SYTL5: variants seen among roughly 807,000 people sequenced by gnomAD.
SYTL5 encodes synaptotagmin like 5, also known as synaptotagmin-like protein 5.
SYTL5 carries 34 observed loss-of-function variants against 55.9 expected under a neutral mutation model. That is an observed-to-expected ratio of 0.61 (90% CI 0.46 to 0.81). SYTL5 has a LOEUF of 0.81. Among genes scored for constraint, SYTL5 ranks in the 30% least tolerant of loss-of-function variants. SYTL5 has a pLI of 0.00. For synonymous variants in SYTL5, 221 were observed against 188.7 expected (o/e 1.17, Z -1.40); for missense variants, 637 against 546.7 (o/e 1.17, Z -1.65).
chrX:38,086,910 T>G (rs1936672204), intron 6 of SYTL5, among the ~76,000 whole-genome samples: 1 of 111,999 alleles, frequency 8.9e-6, no homozygotes. Flanking sequence ...GAGATAATGC[T>G]GCTGGCAATG....
chrX:37,953,697 A>G, the SYTL5 span, among the ~76,000 whole-genome samples: 6 of 111,497 alleles, frequency 5.4e-5, no homozygotes, highest in Non-Finnish European at 1.1e-4. Flanking sequence ...TTGGTCAGGT[A>G]TAAGTCACAT....
the SYTL5 span, among the ~76,000 whole-genome samples, chrX:37,951,472 G>T: frequency 9.0e-6 from 1 of 111,115 alleles, no homozygotes; most frequent in African/African-American, 3.3e-5. Flanking sequence ...TTCTGCCCTA[G>T]GGTGGCGGAT....
intron 11 of SYTL5, among the ~76,000 whole-genome samples, chrX:38,107,361 T>C (rs770206100): frequency 1.2e-4 from 13 of 111,825 alleles, no homozygotes; most frequent in Non-Finnish European, 2.1e-4. Context: ...GGCTCAAGCT[T>C]TGCAAGGGTC....
chrX:38,125,832 AC>A (rs1937633413), intron 16 of SYTL5, among the ~76,000 whole-genome samples: 1 of 112,036 alleles, frequency 8.9e-6, no homozygotes, highest in South Asian at 3.8e-4. Flanking sequence ...GGGGATGATT[AC>A]CAAGACAGCA....
intron 13 of SYTL5, among the ~76,000 whole-genome samples, chrX:38,114,841 AC>A (rs981310372): frequency 9.1e-6 from 1 of 109,557 alleles, no homozygotes; most frequent in Admixed American, 9.7e-5. Context: ...AGTTCTCCCC[AC>A]CCCCAGCCCC....
At chrX:38,060,059 G>T (rs191465574) in intron 3 of SYTL5, among the ~76,000 whole-genome samples, 333 of 111,141 alleles carry the variant, frequency 3.0e-3, no homozygotes, top group Non-Finnish European at 4.4e-3. Flanking sequence ...ACCGGGAGAA[G>T]AATTTTATCT....
intron 7 of SYTL5, among the ~76,000 whole-genome samples, chrX:38,093,430 A>T (rs1288091153): frequency 8.9e-6 from 1 of 111,751 alleles, no homozygotes; most frequent in East Asian, 2.8e-4. Context: ...ATGGACACTT[A>T]ACCTCAGCCC....
At chrX:37,968,768 CCT>C in the SYTL5 span, among the ~76,000 whole-genome samples, 5 of 111,612 alleles carry the variant, frequency 4.5e-5, no homozygotes, top group Non-Finnish European at 9.4e-5. Context: ...GGAATAACCC[CCT>C]GTGCATTAGT....
At chrX:37,998,227 G>A in the SYTL5 span, among the ~76,000 whole-genome samples, 3 of 112,645 alleles carry the variant, frequency 2.7e-5, no homozygotes, top group East Asian at 5.6e-4. Flanking sequence ...CTCAGGACCC[G>A]TCAAATGGTG....
the SYTL5 span, among the ~76,000 whole-genome samples, chrX:37,979,696 C>T: frequency 1.9e-5 from 2 of 107,825 alleles, no homozygotes; most frequent in Non-Finnish European, 3.8e-5. Flanking sequence ...GATGGCTCCT[C>T]CTAACTGAAG....
chrX:38,005,639 G>A (rs185258328), upstream of SYTL5, among the ~76,000 whole-genome samples: 242 of 110,638 alleles, frequency 2.2e-3, 1 homozygote, highest in Non-Finnish European at 3.6e-3. Flanking sequence ...CATCAAATGA[G>A]CTTGAAGACA....
At chrX:38,012,768 T>G (rs1433022298) in intron 1 of SYTL5, among the ~76,000 whole-genome samples, 1 of 112,002 alleles carries the variant, frequency 8.9e-6, no homozygotes. Flanking sequence ...GAAATTGATT[T>G]CATTAAATCA....
the SYTL5 span, among the ~76,000 whole-genome samples, chrX:37,984,151 A>C: frequency 1.8e-5 from 2 of 111,743 alleles, no homozygotes; most frequent in Admixed American, 9.5e-5. Context: ...CCGGAGCAGA[A>C]ATTAATAAAA....
At chrX:37,988,699 TAAAC>T in the SYTL5 span, among the ~76,000 whole-genome samples, 3 of 112,301 alleles carry the variant, frequency 2.7e-5, no homozygotes, top group Non-Finnish European at 3.8e-5. Context: ...TAAATTATCA[TAAAC>T]AAACTATTGA....
intron 6 of SYTL5, among the ~76,000 whole-genome samples, chrX:38,078,054 T>A (rs1340618517): frequency 9.0e-6 from 1 of 111,051 alleles, no homozygotes; most frequent in Non-Finnish European, 1.9e-5. Context: ...AATAAATAAA[T>A]CTCATTTTTG....
At chrX:38,064,758 GTA>G (rs1274686191) in intron 3 of SYTL5, among the ~76,000 whole-genome samples, 1 of 110,689 alleles carries the variant, frequency 9.0e-6, no homozygotes, top group East Asian at 2.8e-4. Flanking sequence ...TTAAAATATA[GTA>G]TATGTTATAT....
rs747663885 is a variant in SYTL5, at chrX:38,057,452, A to C, written c.329+3030A>C. On this transcript the variant is annotated intron_variant, in intron 3 of 16. Transcript: ENST00000297875. ...TGAAATCAGGTAACGTGATTCCTCT[A>C]GTTTTGTTTTTGCTCAGGACAGCTT... Among the ~76,000 whole-genome samples, 19 of 111,498 alleles carry C rather than the reference A, an allele frequency of 1.7e-4. No individual in the cohort carries two copies. In the South Asian group the frequency reaches 5.6e-3, roughly 33 times the overall value.
intron 13 of SYTL5, among the ~76,000 whole-genome samples, chrX:38,119,532 G>A (rs754177081): frequency 8.9e-6 from 1 of 112,424 alleles, no homozygotes; most frequent in South Asian, 3.7e-4. Context: ...TTTATTAATG[G>A]ATAGTATTCC....
At chrX:37,994,746 G>GGAAGGAGGAGGAGGAGGAGAA in the SYTL5 span, 1 of 109,990 alleles carries the variant, frequency 9.1e-6, no homozygotes, top group African/African-American at 3.3e-5. Flanking sequence ...GGTGATGGGG[G>GGAAGGAGGAGGAGGAGGAGAA]GAAGGAGGAG....
Sources: allele counts gnomAD v4.1 joint callset (sites outside exome capture counted in the v4.1 genomes callset), GRCh38; gene constraint gnomAD v4.1.1; transcripts MANE v1.5; gene names NCBI Gene and HGNC (gene_info 2026-07-23, HGNC 2026-07-21).